The following RABIF variants were observed in gnomAD, a reference collection of about 807,000 sequenced individuals.
RABIF encodes guanine nucleotide exchange factor MSS4.
A neutral mutation model predicts 12.3 loss-of-function variants in RABIF; 13 were observed. The observed-to-expected ratio is 1.06, with a 90% CI of 0.69 to 1.68. The LOEUF is 1.68. Ranked by LOEUF, RABIF falls within the 40% of genes most tolerant of loss-of-function variation. The pLI, the probability that RABIF is intolerant of heterozygous loss-of-function variation, is 0.00. For missense variants in RABIF, 153 were observed against 158.0 expected (o/e 0.97, Z 0.17); for synonymous variants, 70 against 63.3 (o/e 1.11, Z -0.50).
chr1:202,879,330 C>T lies in RABIF; in HGVS notation c.*1648G>A, dbSNP rs1296622480. The stretch of plus-strand genomic sequence containing the variant: ...AAGTAGCAGGGACTACAGGTATACA[C>T]CACTATGCCCAGGTAATTTTGTTCA... On this transcript the variant is annotated 3_prime_UTR_variant, in exon 2 of 2. Transcript: ENST00000367262. 6.6e-6 allele frequency: 1 copy of T among 152,172 alleles called. No homozygotes were observed. The highest frequency in any genetic ancestry group is 2.4e-5 in the African/African-American group (1 of 41,438). 9.4% of individuals were successfully genotyped at this position (152,172 alleles called of 1,614,324 possible).
intron 1 of RABIF, 111 bp downstream of exon 1, chr1:202,888,862 C>G: frequency 1.0e-5 from 14 of 1,399,686 alleles, no homozygotes; most frequent in Non-Finnish European, 1.2e-5. Flanking sequence ...CTTAAGGCCG[C>G]GCGAGGAGGG....
intron 1 of RABIF, among the ~76,000 whole-genome samples, chr1:202,887,342 A>ATTT (rs1403844078): frequency 4.2e-4 from 63 of 150,880 alleles, no homozygotes; most frequent in Non-Finnish European, 5.3e-4. Flanking sequence ...ATTATGAAAA[A>ATTT]TTTTTTTTTT....
chr1:202,880,888 G>C lies in RABIF; in HGVS notation c.*90C>G. The C allele has an allele frequency of 6.5e-7, 1 of 1,547,172 alleles. No individual in the cohort carries two copies. The highest frequency in any genetic ancestry group is 8.7e-7 in the Non-Finnish European group (1 of 1,146,798). Reference sequence around the variant, plus strand: ...GTATTTATATTAGCACAGACAAGAAGGCAGCGGAACAGTTATACCACATTA... The same window carrying C: ...GTATTTATATTAGCACAGACAAGAACGCAGCGGAACAGTTATACCACATTA... On this transcript the variant is annotated 3_prime_UTR_variant, in exon 2 of 2. Coordinates refer to ENST00000367262, the MANE Select transcript of RABIF (RefSeq NM_002871.5).
At chr1:202,885,086 C>CAAAAAAA (rs113531957) in intron 1 of RABIF, among the ~76,000 whole-genome samples, 18 of 120,648 alleles carry the variant, frequency 1.5e-4, no homozygotes, top group African/African-American at 3.1e-4. Context: ...GACTCTATCT[C>CAAAAAAA]AAAAAAAAAA....
At position 202,878,684 on chromosome 1, in the gene RABIF, A is replaced by G. The variant is rs1659444870; in HGVS notation, c.*2294T>C. 6.6e-6 allele frequency among the ~76,000 whole-genome samples: 1 copy of G among 152,242 alleles called. No individual in the cohort carries two copies. The highest frequency in any genetic ancestry group is 1.5e-5 in the Non-Finnish European group (1 of 68,048). On this transcript the variant is annotated 3_prime_UTR_variant, in exon 2 of 2. Coordinates refer to ENST00000367262, the MANE Select transcript of RABIF (RefSeq NM_002871.5). The stretch of plus-strand genomic sequence containing the variant: ...TGTGGAAACAATCAGGCTTTCACAA[A>G]ATCAACTGCTCTCCCCAATAGAAAA...
In RABIF at chr1:202,889,118, T is replaced by A. The variant is rs754577180; in HGVS notation, c.-20A>T. Reference sequence around the variant, plus strand: ...TTCCATCGCCGCTGCCGCCACAGGCTCCTCAGCCACGGCTGCGCAGACGCT... The same window carrying A: ...TTCCATCGCCGCTGCCGCCACAGGCACCTCAGCCACGGCTGCGCAGACGCT... On this transcript the variant is annotated 5_prime_UTR_variant, in exon 1 of 2. Transcript: ENST00000367262. 4 of 1,597,370 alleles carry A rather than the reference T, an allele frequency of 2.5e-6. No homozygotes were observed. In the South Asian group the frequency reaches 3.4e-5, roughly 13 times the overall value.
At chr1:202,887,365 T>C (rs1659579052) in intron 1 of RABIF, among the ~76,000 whole-genome samples, 1 of 152,108 alleles carries the variant, frequency 6.6e-6, no homozygotes, top group Non-Finnish European at 1.5e-5. Flanking sequence ...CAATTTTTTT[T>C]TAAGCTCATC....
At position 202,878,628 on chromosome 1, in the gene RABIF, T is replaced by C. The variant is rs1321362980; in HGVS notation, c.*2350A>G. Among the ~76,000 whole-genome samples, 3 of 152,244 alleles carry C rather than the reference T, an allele frequency of 2.0e-5. No individual in the cohort carries two copies. The highest frequency in any genetic ancestry group is 4.4e-5 in the Non-Finnish European group (3 of 68,050). ...TCAGTACACCACTGCCCATCTTTGA[T>C]TCCATGTTTTTGTAAAACAACAGAC... On this transcript the variant is annotated 3_prime_UTR_variant, in exon 2 of 2. Coordinates refer to ENST00000367262, the MANE Select transcript of RABIF (RefSeq NM_002871.5).
chr1:202,885,964 CAAAA>C (rs34865622), intron 1 of RABIF, among the ~76,000 whole-genome samples: 26,305 of 133,004 alleles, frequency 0.2, 2,917 homozygotes, highest in East Asian at 0.42. Flanking sequence ...AAACACAACC[CAAAA>C]AAAAAAAAAC....
At position 202,879,651 on chromosome 1, in the gene RABIF, CTG is replaced by C. The variant is rs751578760; in HGVS notation, c.*1325_*1326del. The C allele has an allele frequency of 5.9e-5, 9 of 152,256 alleles. No homozygotes were observed. Among genetic ancestry groups the C allele is most frequent in the Non-Finnish European group, 1.2e-4 (8 of 68,058 alleles). 9.4% of individuals were successfully genotyped at this position (152,256 alleles called of 1,614,324 possible). A position where few individuals can be genotyped will look rare whatever the true frequency, so the allele number is the denominator to read the frequency against. Reference sequence around the variant, plus strand: ...CCAGGGGAGTAGGTTGGTTGCAAAACTGTGCCCAAGGCCACCTTGCACTGCAG... The same window carrying C: ...CCAGGGGAGTAGGTTGGTTGCAAAACTGCCCAAGGCCACCTTGCACTGCAG... On this transcript the variant is annotated 3_prime_UTR_variant, in exon 2 of 2. Transcript: ENST00000367262.
chr1:202,888,866 A>C, intron 1 of RABIF, 107 bp downstream of exon 1: 1 of 1,397,860 alleles, frequency 7.2e-7, no homozygotes, highest in Non-Finnish European at 9.4e-7. Flanking sequence ...AGGCCGCGCG[A>C]GGAGGGCGCG....
At chr1:202,881,297 C>A (rs981336844) in intron 1 of RABIF, 74 bp from the exon 2 acceptor site, 2 of 1,526,430 alleles carry the variant, frequency 1.3e-6, no homozygotes, top group Non-Finnish European at 8.8e-7. Context: ...GTTCTAGGTA[C>A]ACTTCACATT....
chr1:202,882,612 A>G (rs1236845080), intron 1 of RABIF, among the ~76,000 whole-genome samples: 1 of 152,146 alleles, frequency 6.6e-6, no homozygotes, highest in Non-Finnish European at 1.5e-5. Context: ...ATACTGGTGA[A>G]ACCATTATCA....
intron 1 of RABIF, among the ~76,000 whole-genome samples, chr1:202,886,269 G>C (rs192540077): frequency 0.016 from 1,976 of 121,650 alleles, 78 homozygotes; most frequent in African/African-American, 0.058. Flanking sequence ...GGAAGGGAAG[G>C]GGGGAAAGGA....
In RABIF at chr1:202,885,086, CAAAAAAAAAAAAAAAAA is replaced by C. The variant is rs113531957; in HGVS notation, c.126+3870_127-3864del. Among the ~76,000 whole-genome samples the C allele has an allele frequency of 4.5e-4, 54 of 120,660 alleles. 1 individual carries two copies. In the East Asian group the frequency reaches 0.015, roughly 33 times the overall value. The allele number at this position is 120,660 out of a possible 152,430, so 79.2% of individuals were successfully genotyped here. Reference sequence around the variant, plus strand: ...TGGGCAACAGAGTGAGACTCTATCTCAAAAAAAAAAAAAAAAAAAAAAAAAAAGAAAAGAAAGAAAAA... The same window carrying C: ...TGGGCAACAGAGTGAGACTCTATCTCAAAAAAAAAAGAAAAGAAAGAAAAA... On this transcript the variant is annotated intron_variant, in intron 1 of 1. Transcript: ENST00000367262.
At chr1:202,884,465 C>T (rs6699298) in intron 1 of RABIF, among the ~76,000 whole-genome samples, 35,224 of 151,846 alleles carry the variant, frequency 0.23, 4,730 homozygotes, top group East Asian at 0.57. Context: ...GATTGCTTGA[C>T]GAATATATGC....
chr1:202,887,793 C>T (rs916527640), intron 1 of RABIF, among the ~76,000 whole-genome samples: 1 of 152,062 alleles, frequency 6.6e-6, no homozygotes, highest in African/African-American at 2.4e-5. Flanking sequence ...CATGAGCCAC[C>T]GCGCCCAGCC....
rs796806537 is a variant in RABIF at position 202,878,489 on chromosome 1, C to T, written c.*2489G>A. Among the ~76,000 whole-genome samples the T allele has an allele frequency of 3.9e-5, 6 of 152,320 alleles. No individual in the cohort carries two copies. The highest frequency in any genetic ancestry group is 1.4e-4 in the African/African-American group (6 of 41,570). On this transcript the variant is annotated 3_prime_UTR_variant, in exon 2 of 2. Transcript: ENST00000367262. ...ATTTTGTCCAGCCTTTCTAGTTAAC[C>T]AGTGAGCTGGGTAGTCCAAAGGACC... is the stretch of plus-strand genomic sequence containing the variant.
Position 202,880,907 on chromosome 1 carries a change from C to T in RABIF, c.*71G>A, listed in dbSNP as rs1659478580. On this transcript the variant is annotated 3_prime_UTR_variant, in exon 2 of 2. Coordinates refer to ENST00000367262, the MANE Select transcript of RABIF (RefSeq NM_002871.5). ...CAAGAAGGCAGCGGAACAGTTATAC[C>T]ACATTAAAGGCCAGTTCTTGTGGGG... 1.9e-6 allele frequency: 3 copies of T among 1,578,554 alleles called. No homozygotes were observed. The highest frequency in any genetic ancestry group is 2.7e-5 in the African/African-American group (2 of 74,056).
Sources: allele counts gnomAD v4.1 joint callset (sites outside exome capture counted in the v4.1 genomes callset), GRCh38; gene constraint gnomAD v4.1.1; transcripts MANE v1.5; gene names NCBI Gene and HGNC (gene_info 2026-07-23, HGNC 2026-07-21).